The following CNTNAP2 variants were observed in gnomAD, a reference collection of about 807,000 sequenced individuals.
CNTNAP2 encodes contactin-associated protein-like 2.
A neutral mutation model predicts 155.2 loss-of-function variants in CNTNAP2; 98 were observed. The observed-to-expected ratio is 0.63, with a 90% CI of 0.54 to 0.75. The LOEUF is 0.75. CNTNAP2 is among the 30% of genes least tolerant of loss of function. The pLI, the probability that CNTNAP2 is intolerant of heterozygous loss-of-function variation, is 0.00. For missense variants in CNTNAP2, 1,727 were observed against 1,688.1 expected (o/e 1.02, Z -0.40); for synonymous variants, 651 against 631.2 (o/e 1.03, Z -0.47).
intron 1 of CNTNAP2, among the ~76,000 whole-genome samples, chr7:146,296,358 G>T (rs1800514701): frequency 6.6e-6 from 1 of 152,094 alleles, no homozygotes; most frequent in Non-Finnish European, 1.5e-5. Flanking sequence ...TCCCCAAGGT[G>T]ATGTGTGTGA....
chr7:147,006,126 T>C (rs1390046250), intron 3 of CNTNAP2, among the ~76,000 whole-genome samples: 1 of 151,876 alleles, frequency 6.6e-6, no homozygotes, highest in Non-Finnish European at 1.5e-5. Context: ...TATATAGGAG[T>C]ACCCAGTAAT....
intron 13 of CNTNAP2, among the ~76,000 whole-genome samples, chr7:147,729,416 GCA>G (rs1287265692): frequency 6.7e-5 from 3 of 45,064 alleles, no homozygotes; most frequent in African/African-American, 3.2e-4. Flanking sequence ...GCACACACAC[GCA>G]CACACACACG....
chr7:148,367,581 A>G (rs1186892468), intron 21 of CNTNAP2, among the ~76,000 whole-genome samples: 2 of 152,168 alleles, frequency 1.3e-5, no homozygotes, highest in Non-Finnish European at 2.9e-5. Context: ...AAAGCATTCT[A>G]GACAGATATT....
At chr7:147,013,659 T>C (rs1329934695) in intron 3 of CNTNAP2, among the ~76,000 whole-genome samples, 2 of 152,174 alleles carry the variant, frequency 1.3e-5, no homozygotes, top group Non-Finnish European at 2.9e-5. Context: ...CCCCTCTGAA[T>C]ATTTACAGCA....
chr7:147,139,099 C>A (rs1047393723), intron 8 of CNTNAP2, among the ~76,000 whole-genome samples: 2 of 152,082 alleles, frequency 1.3e-5, no homozygotes, highest in East Asian at 3.9e-4. Flanking sequence ...GTTTCTAAGA[C>A]AAGAACAGGG....
At chr7:146,937,970 T>G (rs1796958873) in intron 3 of CNTNAP2, among the ~76,000 whole-genome samples, 1 of 152,218 alleles carries the variant, frequency 6.6e-6, no homozygotes, top group African/African-American at 2.4e-5. Flanking sequence ...ATCTGATTAG[T>G]TGAGACTGTA....
chr7:147,207,923 C>T (rs1004322968), intron 8 of CNTNAP2, among the ~76,000 whole-genome samples: 2 of 152,070 alleles, frequency 1.3e-5, no homozygotes, highest in Non-Finnish European at 1.5e-5. Context: ...AGACATAGTG[C>T]TTTGAGTCTG....
chr7:146,593,122 A>G (rs1460169542), intron 1 of CNTNAP2, among the ~76,000 whole-genome samples: 2 of 151,732 alleles, frequency 1.3e-5, no homozygotes, highest in Non-Finnish European at 2.9e-5. Context: ...TGTCCCTTGC[A>G]GGGGTATAGT....
intron 1 of CNTNAP2, among the ~76,000 whole-genome samples, chr7:146,680,938 C>T (rs1215179658): frequency 6.6e-6 from 1 of 152,154 alleles, no homozygotes. Flanking sequence ...ATATGGATTA[C>T]TGTGGAACTT....
chr7:146,915,050 C>T (rs1796366781), intron 3 of CNTNAP2, among the ~76,000 whole-genome samples: 1 of 151,996 alleles, frequency 6.6e-6, no homozygotes, highest in African/African-American at 2.4e-5. Context: ...TGTCAGTTAT[C>T]CCAGCACCAT....
chr7:146,392,147 T>C (rs1250833330), intron 1 of CNTNAP2, among the ~76,000 whole-genome samples: 1 of 152,168 alleles, frequency 6.6e-6, no homozygotes, highest in Admixed American at 6.5e-5. Flanking sequence ...AAGGTCCACC[T>C]TGGAGATTGG....
At chr7:146,300,070 G>A (rs1800580395) in intron 1 of CNTNAP2, among the ~76,000 whole-genome samples, 1 of 152,128 alleles carries the variant, frequency 6.6e-6, no homozygotes, top group African/African-American at 2.4e-5. Flanking sequence ...TTTTTGAGAA[G>A]GTGACTGGAA....
At chr7:146,172,305 A>C (rs972219974) in intron 1 of CNTNAP2, among the ~76,000 whole-genome samples, 2 of 152,018 alleles carry the variant, frequency 1.3e-5, no homozygotes, top group Admixed American at 1.3e-4. Flanking sequence ...AATGCTACTG[A>C]CATCTAGTGG....
At chr7:147,556,063 A>G (rs544724079) in intron 11 of CNTNAP2, among the ~76,000 whole-genome samples, 1 of 152,304 alleles carries the variant, frequency 6.6e-6, no homozygotes, top group South Asian at 2.1e-4. Context: ...TTCTGCTTTA[A>G]CAGAATTTCT....
At chr7:146,696,575 T>A (rs1027446141) in intron 1 of CNTNAP2, among the ~76,000 whole-genome samples, 1 of 152,164 alleles carries the variant, frequency 6.6e-6, no homozygotes, top group Non-Finnish European at 1.5e-5. Flanking sequence ...ACTTCAGATT[T>A]ATTTTGCTGT....
intron 21 of CNTNAP2, among the ~76,000 whole-genome samples, chr7:148,320,376 C>CTTTTTTTTTTTTTTTTTTTTTTTTTT: frequency 1.6e-5 from 1 of 63,386 alleles, no homozygotes; most frequent in Non-Finnish European, 2.9e-5. Context: ...ATTTTTTTTT[C>CTTTTTTTTTTTTTTTTTTTTTTTTTT]TTTTTTTTTT....
chr7:146,170,077 A>G (rs1584784797), intron 1 of CNTNAP2, among the ~76,000 whole-genome samples: 1 of 138,716 alleles, frequency 7.2e-6, no homozygotes, highest in Non-Finnish European at 1.5e-5. Flanking sequence ...CTGAGGCTGG[A>G]GTGCAGTGGT....
Position 147,333,515 on chromosome 7 carries a change from A to G in CNTNAP2, c.1498+33225A>G, listed in dbSNP as rs371788108. ...AATGAATCCTTTTAAACAACTTTCT[A>G]TAATAAAAGAACCAAACCACTATTG... On this transcript the variant is annotated intron_variant, in intron 9 of 23. Coordinates refer to ENST00000361727, the MANE Select transcript of CNTNAP2 (RefSeq NM_014141.6). 4.3e-4 allele frequency among the ~76,000 whole-genome samples: 66 copies of G among 152,354 alleles called. 2 individuals carry two copies. Among genetic ancestry groups the G allele is most frequent in the African/African-American group, 1.6e-3 (65 of 41,592 alleles).
At chr7:146,194,314 G>C (rs1005213787) in intron 1 of CNTNAP2, among the ~76,000 whole-genome samples, 8 of 152,182 alleles carry the variant, frequency 5.3e-5, no homozygotes, top group African/African-American at 1.9e-4. Flanking sequence ...GATGTTTAAT[G>C]GACTCACAGT....
Sources: allele counts gnomAD v4.1 joint callset (sites outside exome capture counted in the v4.1 genomes callset), GRCh38; gene constraint gnomAD v4.1.1; transcripts MANE v1.5; gene names NCBI Gene and HGNC (gene_info 2026-07-23, HGNC 2026-07-21).